The following RASSF4 variants were observed in gnomAD, a reference collection of about 807,000 sequenced individuals.
The protein encoded by RASSF4 is ras association domain-containing protein 4.
Under a neutral mutation model 41.1 loss-of-function variants are expected in RASSF4, and 38 were observed. That is an observed-to-expected ratio of 0.92 (90% CI 0.71 to 1.21). The LOEUF is 1.21. Among genes scored for constraint, RASSF4 ranks in the 50% most tolerant of loss-of-function variants. The pLI is 0.00. For synonymous variants in RASSF4, 179 were observed against 163.4 expected, an observed-to-expected ratio of 1.10 and a Z score of -0.73; for missense variants, 414 against 419.4, an observed-to-expected ratio of 0.99 and a Z score of 0.11.
intron 3 of RASSF4, chr10:44,977,707 A>G: frequency 6.2e-7 from 1 of 1,612,566 alleles, no homozygotes; most frequent in Non-Finnish European, 8.5e-7. Context: ...ACTCCCCAAA[A>G]AGCCAGTCCA....
In RASSF4 at chr10:44,970,233, G is replaced by A. The variant is rs776090756; in HGVS notation, c.31G>A (p.Val11Met). 1.6e-5 allele frequency: 26 copies of A among 1,613,958 alleles called. No individual in the cohort carries two copies. The highest frequency in any genetic ancestry group is 2.2e-5 in the East Asian group (1 of 44,894). The change falls in exon 2 of 11, where the codon GTG (valine) becomes ATG (methionine). Residue 11 changes from valine (V) to methionine (M), a missense_variant. Coordinates refer to ENST00000340258, the MANE Select transcript of RASSF4 (RefSeq NM_032023.4). ...GGAAGACTGTCTGCCGAGTTCTCAC[G>A]TGCCCATCAGTGACAGCAAGTCCAT... MKEDCLPSSH[V>M]PISDSKSIQK... is the part of the protein sequence containing the mutation.
At chr10:44,977,544 C>A in intron 3 of RASSF4, 2 of 1,613,480 alleles carry the variant, frequency 1.2e-6, no homozygotes, top group South Asian at 2.2e-5. Flanking sequence ...GGTGGTCTTG[C>A]CAGGGAATGC....
Position 44,994,259 on chromosome 10 carries a change from T to A in RASSF4, c.*930T>A, listed in dbSNP as rs1842221712. 1 of 152,620 alleles carries A rather than the reference T, an allele frequency of 6.6e-6. No individual in the cohort carries two copies. The highest frequency in any genetic ancestry group is 2.4e-5 in the African/African-American group (1 of 41,464). 9.5% of individuals were successfully genotyped at this position (152,620 alleles called of 1,614,324 possible). A position where few individuals can be genotyped will look rare whatever the true frequency, so the allele number is the denominator to read the frequency against. ...TCTGTTTTGAGGAAAGGGCTTTGAATTCCCCAGATACTGAACAATTTGTGT... is the reference window on the plus strand; with the variant it reads ...TCTGTTTTGAGGAAAGGGCTTTGAAATCCCCAGATACTGAACAATTTGTGT... On this transcript the variant is annotated 3_prime_UTR_variant, in exon 11 of 11. Coordinates refer to ENST00000340258, the MANE Select transcript of RASSF4 (RefSeq NM_032023.4).
In RASSF4 at chr10:44,971,574, G is replaced by A. The variant is rs1564454234; in HGVS notation, c.63-199G>A. Reference sequence around the variant, plus strand: ...GCCTCCTCCTCAGCCCGACCCCCATGCCCCCCACCAGGGCCATGTGCAGAA... The same window carrying A: ...GCCTCCTCCTCAGCCCGACCCCCATACCCCCCACCAGGGCCATGTGCAGAA... On this transcript the variant is annotated intron_variant, in intron 2 of 10. Transcript: ENST00000340258. 3 of 684,942 alleles carry A rather than the reference G, an allele frequency of 4.4e-6. No individual in the cohort carries two copies. In the South Asian group the frequency reaches 4.5e-5, roughly 10 times the overall value. 42.4% of individuals were successfully genotyped at this position (684,942 alleles called of 1,614,324 possible).
chr10:44,970,392 G>C, intron 2 of RASSF4, 128 bp downstream of exon 2: 1 of 724,758 alleles, frequency 1.4e-6, no homozygotes, highest in Non-Finnish European at 2.4e-6. Flanking sequence ...CTGGGGGACA[G>C]TGATGGGGTG....
intron 1 of RASSF4, among the ~76,000 whole-genome samples, chr10:44,960,307 G>A (rs778456711): frequency 1.7e-4 from 26 of 152,200 alleles, no homozygotes; most frequent in Non-Finnish European, 4.4e-5. Flanking sequence ...CTTGCTCTGG[G>A]CCAAGTGCTT....
chr10:44,960,501 C>G (rs1840669176), intron 1 of RASSF4, among the ~76,000 whole-genome samples: 1 of 152,188 alleles, frequency 6.6e-6, no homozygotes. Flanking sequence ...GCTCTTCACC[C>G]TTAGTCTCCG....
At chr10:44,963,444 G>A (rs1475075552) in intron 1 of RASSF4, among the ~76,000 whole-genome samples, 1 of 152,232 alleles carries the variant, frequency 6.6e-6, no homozygotes, top group Admixed American at 6.5e-5. Flanking sequence ...GCGAACAGGT[G>A]CTGGGAGGGG....
intron 10 of RASSF4, among the ~76,000 whole-genome samples, chr10:44,992,345 A>T (rs1842147174): frequency 6.6e-6 from 1 of 152,226 alleles, no homozygotes; most frequent in African/African-American, 2.4e-5. Flanking sequence ...TCTGCTGGTG[A>T]TGTGGCTCCA....
At position 44,993,296 on chromosome 10, in the gene RASSF4, G is replaced by A. The variant is rs1215357491; in HGVS notation, c.933G>A (p.Leu311=). Residue 311 remains leucine, a synonymous_variant, in exon 11 of 11, where the codon CTG becomes CTA. Coordinates refer to ENST00000340258, the MANE Select transcript of RASSF4 (RefSeq NM_032023.4). ...MKFQALRLTM[L]QRLEQLVEAK ...TCCAAGCCCTGCGTCTGACGATGCT[G>A]CAGCGCCTGGAGCAGCTGGTGGAGG... 1.2e-6 allele frequency: 2 copies of A among 1,608,216 alleles called. No individual in the cohort carries two copies. Among genetic ancestry groups the A allele is most frequent in the Non-Finnish European group, 1.7e-6 (2 of 1,179,550 alleles).
At chr10:44,970,432 C>T (rs1410181476) in intron 2 of RASSF4, 168 bp downstream of exon 2, 2 of 606,192 alleles carry the variant, frequency 3.3e-6, no homozygotes, top group Non-Finnish European at 2.9e-6. Context: ...AATAGGGGAT[C>T]CCCAAGCTAC....
At chr10:44,986,866 G>A (rs889709300) in intron 6 of RASSF4, among the ~76,000 whole-genome samples, 2 of 152,160 alleles carry the variant, frequency 1.3e-5, no homozygotes, top group South Asian at 2.1e-4. Context: ...AGAAATGTTG[G>A]TTTTATTTCC....
chr10:44,977,682 G>A (rs939888737), intron 3 of RASSF4: 1 of 1,612,714 alleles, frequency 6.2e-7, no homozygotes, highest in African/African-American at 1.3e-5. Context: ...CTCTGGCTTG[G>A]CTGCTTTTCC....
At chr10:44,989,866 C>A in intron 8 of RASSF4, 145 bp downstream of exon 8, 1 of 724,554 alleles carries the variant, frequency 1.4e-6, no homozygotes, top group East Asian at 2.6e-5. Flanking sequence ...CACTGTGCCT[C>A]CCAGCATGAA....
intron 6 of RASSF4, 33 bp from the exon 7 acceptor site, chr10:44,989,241 C>A: frequency 7.1e-7 from 1 of 1,417,474 alleles, no homozygotes; most frequent in Non-Finnish European, 1.0e-6. Context: ...CCCCTCTGGG[C>A]CTGACCTGAA....
rs1312552168 is a variant in RASSF4, at chr10:44,982,551, C to T, written c.169C>T (p.Leu57Phe). The part of the protein sequence containing the change: ...EEGTLIIEGL[L>F]NIAWGLRRPI... ...AGGGACTCTGATCATCGAGGGGCTC[C>T]TCAACATTGCCTGGGGGCTGAGGCG... The change falls in exon 4 of 11, where the codon CTC (leucine) becomes TTC (phenylalanine). Residue 57 changes from leucine (L) to phenylalanine (F), a missense_variant. Physicochemically the swap from Leu to Phe is conservative, Grantham distance 22. Transcript: ENST00000340258. 5 of 1,612,326 alleles carry T rather than the reference C, an allele frequency of 3.1e-6. No individual in the cohort carries two copies. The highest frequency in any genetic ancestry group is 4.2e-6 in the Non-Finnish European group (5 of 1,179,178).
rs1842198843 is a variant in RASSF4, at chr10:44,993,530, AC to A, written c.*204del. The A allele has an allele frequency of 1.7e-6, 1 of 588,354 alleles. No individual in the cohort carries two copies. The highest frequency in any genetic ancestry group is 2.0e-5 in the South Asian group (1 of 50,464). The allele number at this position is 588,354 out of a possible 1,614,324, so 36.4% of individuals were successfully genotyped here. Reference sequence around the variant, plus strand: ...CAAGATGAGCACCCACAGGAAGCCGACCCAGGCCTGAGGGGCCAGGAACTTG... The same window carrying A: ...CAAGATGAGCACCCACAGGAAGCCGACCAGGCCTGAGGGGCCAGGAACTTG... On this transcript the variant is annotated 3_prime_UTR_variant, in exon 11 of 11. Coordinates refer to ENST00000340258, the MANE Select transcript of RASSF4 (RefSeq NM_032023.4).
At chr10:44,971,666 T>A (rs1841173925) in intron 2 of RASSF4, 107 bp from the exon 3 acceptor site, 2 of 868,760 alleles carry the variant, frequency 2.3e-6, no homozygotes, top group African/African-American at 3.3e-5. Flanking sequence ...AGAAGGGTGC[T>A]GTCACACTCC....
In RASSF4 at chr10:44,989,260, C is replaced by T. The variant is rs371403684; in HGVS notation, c.532-14C>T. 6 of 1,581,766 alleles carry T rather than the reference C, an allele frequency of 3.8e-6. No individual in the cohort carries two copies. The highest frequency in any genetic ancestry group is 5.2e-6 in the Non-Finnish European group (6 of 1,151,514). On this transcript the variant is annotated splice_polypyrimidine_tract_variant and intron_variant, in intron 6 of 10. Transcript: ENST00000340258. ...TCTGGGCCTGACCTGAACTTCTCTC[C>T]CTTCCTGGTACAGACCTCCGTGTTT...
Sources: allele counts gnomAD v4.1 joint callset (sites outside exome capture counted in the v4.1 genomes callset), GRCh38; gene constraint gnomAD v4.1.1; transcripts MANE v1.5; gene names NCBI Gene and HGNC (gene_info 2026-07-23, HGNC 2026-07-21).